The following CRPPA variants were observed in gnomAD, a reference collection of about 807,000 sequenced individuals.
CRPPA encodes the protein CDP-L-ribitol pyrophosphorylase A.
CRPPA carries 43 observed loss-of-function variants against 52.0 expected under a neutral mutation model. That is an observed-to-expected ratio of 0.83 (90% CI 0.65 to 1.07). The LOEUF is 1.07. CRPPA is among the 50% of genes least tolerant of loss of function. The pLI is 0.00. For missense variants in CRPPA, 629 were observed against 551.7 expected (o/e 1.14, Z -1.40); for synonymous variants, 250 against 203.5 (o/e 1.23, Z -1.94).
chr7:16,114,758 T>A (rs926482779), intron 9 of CRPPA, among the ~76,000 whole-genome samples: 3 of 152,006 alleles, frequency 2.0e-5, no homozygotes, highest in Admixed American at 6.6e-5. Flanking sequence ...GGAGGACACA[T>A]AACTCCTTTC....
chr7:16,173,724 C>A (rs1330635173), intron 9 of CRPPA, among the ~76,000 whole-genome samples: 2 of 152,036 alleles, frequency 1.3e-5, no homozygotes, highest in African/African-American at 4.8e-5. Context: ...ATTCATTGAT[C>A]CCTACAGAAA....
intron 9 of CRPPA, among the ~76,000 whole-genome samples, chr7:16,128,048 C>T (rs1011127681): frequency 1.3e-5 from 2 of 152,144 alleles, no homozygotes; most frequent in African/African-American, 4.8e-5. Flanking sequence ...GAAGTAACCA[C>T]ACTGTCTTCC....
chr7:16,382,105 G>C (rs2128313281), intron 2 of CRPPA, among the ~76,000 whole-genome samples: 1 of 152,118 alleles, frequency 6.6e-6, no homozygotes, highest in African/African-American at 2.4e-5. Flanking sequence ...TTTATAATTT[G>C]GCATGATTTT....
rs528717440 is a variant in CRPPA, at chr7:16,354,584, T to G, written c.684+21508A>C. Among the ~76,000 whole-genome samples the G allele has an allele frequency of 2.6e-5, 4 of 152,318 alleles. No individual in the cohort carries two copies. The East Asian group carries it at 7.7e-4, about 29-fold the overall frequency. ...TTTAACTTACAAAGAAACTTGAGAT[T>G]ACTTTAGAAGAGAAAAATAGGAGTT... On this transcript the variant is annotated intron_variant, in intron 3 of 9. Coordinates refer to ENST00000407010, the MANE Select transcript of CRPPA (RefSeq NM_001101426.4).
intron 9 of CRPPA, among the ~76,000 whole-genome samples, chr7:16,157,910 T>C (rs548585342): frequency 6.6e-6 from 1 of 152,176 alleles, no homozygotes; most frequent in South Asian, 2.1e-4. Flanking sequence ...AGTCTCACTC[T>C]GTCGCCCAGG....
At chr7:16,362,056 A>G (rs1786463971) in intron 3 of CRPPA, among the ~76,000 whole-genome samples, 1 of 152,046 alleles carries the variant, frequency 6.6e-6, no homozygotes, top group Admixed American at 6.5e-5. Context: ...GGGTTTCACC[A>G]TGTTAGCCAG....
At chr7:16,128,103 G>A (rs896224863) in intron 9 of CRPPA, among the ~76,000 whole-genome samples, 1 of 152,038 alleles carries the variant, frequency 6.6e-6, no homozygotes, top group Non-Finnish European at 1.5e-5. Context: ...GTGTAAAAGT[G>A]AACACACACT....
chr7:16,252,517 T>C (rs1352438292), intron 8 of CRPPA, among the ~76,000 whole-genome samples: 4 of 152,192 alleles, frequency 2.6e-5, no homozygotes, highest in Admixed American at 2.0e-4. Flanking sequence ...CAGTATTTTA[T>C]TGAGGATTTT....
chr7:16,088,849 C>T lies in CRPPA; in HGVS notation c.*2846G>A, dbSNP rs886062150. On this transcript the variant is annotated 3_prime_UTR_variant, in exon 10 of 10. Coordinates refer to ENST00000407010, the MANE Select transcript of CRPPA (RefSeq NM_001101426.4). ...AAGCTCCAGGACTTTCACCTAGTCC[C>T]TGGACATAAGTGTCCCACCCTTCTT... 3.6e-5 allele frequency: 6 copies of T among 169,010 alleles called. No individual in the cohort carries two copies. Among genetic ancestry groups the T allele is most frequent in the Non-Finnish European group, 7.8e-5 (6 of 76,454 alleles). 10.5% of individuals were successfully genotyped at this position (169,010 alleles called of 1,614,324 possible).
intron 3 of CRPPA, among the ~76,000 whole-genome samples, chr7:16,375,394 A>G (rs60155393): frequency 0.51 from 77,432 of 152,066 alleles, 21,529 homozygotes; most frequent in African/African-American, 0.74. Context: ...ACAAATGACA[A>G]TAAAATTATG....
intron 2 of CRPPA, among the ~76,000 whole-genome samples, chr7:16,404,235 C>A (rs989568567): frequency 2.0e-5 from 3 of 152,124 alleles, no homozygotes; most frequent in Admixed American, 2.0e-4. Context: ...TTGTTCTGAA[C>A]CAGCTTCTTA....
At chr7:16,314,593 C>G (rs1210489176) in intron 3 of CRPPA, among the ~76,000 whole-genome samples, 1 of 152,006 alleles carries the variant, frequency 6.6e-6, no homozygotes, top group African/African-American at 2.4e-5. Context: ...TTTTACAAGG[C>G]AGGTCTACTG....
At chr7:16,176,410 A>G (rs1192278865) in intron 9 of CRPPA, among the ~76,000 whole-genome samples, 1 of 152,168 alleles carries the variant, frequency 6.6e-6, no homozygotes, top group African/African-American at 2.4e-5. Context: ...GCAAACAAGG[A>G]CATAAAGAGA....
At chr7:16,405,381 G>C (rs1331969157) in intron 2 of CRPPA, among the ~76,000 whole-genome samples, 1 of 152,034 alleles carries the variant, frequency 6.6e-6, no homozygotes, top group Non-Finnish European at 1.5e-5. Context: ...TAAATAAAAA[G>C]ACAGATTTGG....
At position 16,087,997 on chromosome 7, in the gene CRPPA, TTAATG is replaced by T. The variant is rs1356637370; in HGVS notation, c.*3693_*3697del. 2.0e-5 allele frequency: 3 copies of T among 152,140 alleles called. No individual in the cohort carries two copies. In the East Asian group the frequency reaches 5.8e-4, roughly 29 times the overall value. 9.4% of individuals were successfully genotyped at this position (152,140 alleles called of 1,614,324 possible). ...TAGGGAAGAAAAAATTTCTGTTAAATTAATGTAAAATACTTACAATAATAACCATA... is the reference window on the plus strand; with the variant it reads ...TAGGGAAGAAAAAATTTCTGTTAAATTAAAATACTTACAATAATAACCATA... On this transcript the variant is annotated 3_prime_UTR_variant, in exon 10 of 10. Transcript: ENST00000407010.
intron 8 of CRPPA, among the ~76,000 whole-genome samples, chr7:16,250,108 G>C (rs934787085): frequency 3.9e-5 from 6 of 152,254 alleles, no homozygotes; most frequent in African/African-American, 9.6e-5. Context: ...CAGCTGAATC[G>C]ATCAGGCAGA....
intron 5 of CRPPA, among the ~76,000 whole-genome samples, chr7:16,286,087 TAAAAAA>T (rs1206296972): frequency 3.9e-4 from 6 of 15,512 alleles, no homozygotes; most frequent in Non-Finnish European, 5.5e-4. Flanking sequence ...ATATAATATT[TAAAAAA>T]AAAAATATAT....
At chr7:16,406,560 T>C (rs1437002519) in intron 1 of CRPPA, among the ~76,000 whole-genome samples, 3 of 152,362 alleles carry the variant, frequency 2.0e-5, no homozygotes, top group South Asian at 2.1e-4. Context: ...TCATATTACA[T>C]AGAATATCTT....
At chr7:16,194,025 C>T (rs896794469) in intron 9 of CRPPA, among the ~76,000 whole-genome samples, 2 of 151,980 alleles carry the variant, frequency 1.3e-5, no homozygotes, top group African/African-American at 4.8e-5. Context: ...TTACCAGGAC[C>T]AGACCATTTA....
Sources: gnomAD v4.1 joint callset for allele counts (sites outside exome capture counted in the v4.1 genomes callset) on GRCh38, gnomAD v4.1.1 for gene constraint, MANE v1.5 for transcripts, NCBI Gene and HGNC (gene_info 2026-07-23, HGNC 2026-07-21) for gene names.